The following RBFOX3 variants were observed in gnomAD, a reference collection of about 807,000 sequenced individuals.
RBFOX3 encodes the protein RNA binding protein fox-1 homolog 3.
A neutral mutation model predicts 48.7 loss-of-function variants in RBFOX3; 17 were observed. That is an observed-to-expected ratio of 0.35 (90% CI 0.24 to 0.52). The LOEUF is 0.52. Ranked by LOEUF, RBFOX3 falls within the 20% of genes least tolerant of loss-of-function variation. The pLI is 0.94. For synonymous variants in RBFOX3, 212 were observed against 209.5 expected, an observed-to-expected ratio of 1.01 and a Z score of -0.10; for missense variants, 382 against 497.5, an observed-to-expected ratio of 0.77 and a Z score of 2.21.
At chr17:79,218,842 G>A (rs1000074875) in intron 4 of RBFOX3, among the ~76,000 whole-genome samples, 1 of 152,172 alleles carries the variant, frequency 6.6e-6, no homozygotes, top group Non-Finnish European at 1.5e-5. Flanking sequence ...CGGAGCACCC[G>A]GGCACATCCT....
At chr17:79,259,368 G>C (rs933591558) in intron 3 of RBFOX3, among the ~76,000 whole-genome samples, 1 of 152,206 alleles carries the variant, frequency 6.6e-6, no homozygotes. Flanking sequence ...TGTGTTCTGG[G>C]GTCCCTGCCC....
chr17:79,489,180 T>C (rs2080104060), intron 1 of RBFOX3, among the ~76,000 whole-genome samples: 1 of 151,318 alleles, frequency 6.6e-6, no homozygotes. Flanking sequence ...ACTACGCCTT[T>C]GCTGGTTCAT....
intron 3 of RBFOX3, among the ~76,000 whole-genome samples, chr17:79,256,107 C>G (rs1460253337): frequency 6.6e-6 from 1 of 151,788 alleles, no homozygotes; most frequent in African/African-American, 2.4e-5. Context: ...TAGGGAAGCC[C>G]CAGCCCATTG....
intron 1 of RBFOX3, among the ~76,000 whole-genome samples, chr17:79,590,570 G>A (rs2093386553): frequency 6.6e-6 from 1 of 152,064 alleles, no homozygotes; most frequent in Non-Finnish European, 1.5e-5. Flanking sequence ...GGTCTCCTGG[G>A]GCTGGGATGA....
At chr17:79,101,416 C>T (rs2076412531) in intron 9 of RBFOX3, among the ~76,000 whole-genome samples, 168 bp downstream of exon 9, 1 of 152,146 alleles carries the variant, frequency 6.6e-6, no homozygotes, top group East Asian at 1.9e-4. Flanking sequence ...GCCTCTTCTG[C>T]CCCACCCGCT....
intron 1 of RBFOX3, among the ~76,000 whole-genome samples, chr17:79,563,863 T>C (rs1294712339): frequency 1.3e-5 from 2 of 152,178 alleles, no homozygotes; most frequent in South Asian, 2.1e-4. Flanking sequence ...AACCAGAGGA[T>C]GGAGTTGAGG....
chr17:79,435,701 C>G (rs782590546), intron 2 of RBFOX3, among the ~76,000 whole-genome samples: 2 of 152,234 alleles, frequency 1.3e-5, no homozygotes, highest in Admixed American at 6.5e-5. Flanking sequence ...CCTTTGCTGG[C>G]CAGGTGCTGG....
rs2064407073 is a variant in RBFOX3 at position 79,254,148 on chromosome 17, G to T, written c.-73-18343C>A. The stretch of plus-strand genomic sequence containing the variant: ...TTCACCACTGCATCGCTAGCACCCA[G>T]GACACAGGAGCCTCACAGAAGTCAT... On this transcript the variant is annotated intron_variant, in intron 3 of 14. Coordinates refer to ENST00000693108, the MANE Select transcript of RBFOX3 (RefSeq NM_001350451.2). The surrounding 1 kb of genome is among the most constrained non-coding windows in gnomAD (Gnocchi z 4.8). 6.6e-6 allele frequency among the ~76,000 whole-genome samples: 1 copy of T among 152,200 alleles called. No homozygotes were observed. The highest frequency in any genetic ancestry group is 6.5e-5 in the Admixed American group (1 of 15,286).
At chr17:79,466,910 G>A (rs939555616) in intron 2 of RBFOX3, among the ~76,000 whole-genome samples, 4 of 152,214 alleles carry the variant, frequency 2.6e-5, no homozygotes, top group South Asian at 4.2e-4. Context: ...GACCTGGCAG[G>A]TGACCCCATA....
chr17:79,308,471 CT>C (rs2076379356), intron 2 of RBFOX3, among the ~76,000 whole-genome samples: 1 of 152,214 alleles, frequency 6.6e-6, no homozygotes, highest in Non-Finnish European at 1.5e-5. Flanking sequence ...GCCACCAGGC[CT>C]CCCTGCTAGA....
chr17:79,326,314 C>T (rs913690451), intron 2 of RBFOX3, among the ~76,000 whole-genome samples: 3 of 152,178 alleles, frequency 2.0e-5, no homozygotes, highest in African/African-American at 7.2e-5. Flanking sequence ...GATGTCCCTC[C>T]CTTCTCGCCC....
intron 4 of RBFOX3, among the ~76,000 whole-genome samples, chr17:79,145,054 T>TG (rs887452883): frequency 6.6e-6 from 1 of 151,560 alleles, no homozygotes; most frequent in Admixed American, 6.6e-5. Flanking sequence ...CGCAGCAAGG[T>TG]GGGGGCGGGA....
At chr17:79,431,026 A>G (rs1271808671) in intron 2 of RBFOX3, among the ~76,000 whole-genome samples, 3 of 152,216 alleles carry the variant, frequency 2.0e-5, no homozygotes, top group Non-Finnish European at 4.4e-5. Flanking sequence ...TGTGGCCAGA[A>G]GAACAACTTC....
intron 2 of RBFOX3, among the ~76,000 whole-genome samples, chr17:79,337,948 T>G (rs983256168): frequency 1.8e-4 from 27 of 151,920 alleles, no homozygotes; most frequent in Admixed American, 1.0e-3. Context: ...CAGATTTTTT[T>G]TTTTTTTTTA....
chr17:79,617,659 G>A, the RBFOX3 span, among the ~76,000 whole-genome samples: 16 of 152,204 alleles, frequency 1.1e-4, no homozygotes, highest in Non-Finnish European at 1.9e-4. Context: ...AAACACCAGC[G>A]TCCCATTTTC....
intron 2 of RBFOX3, among the ~76,000 whole-genome samples, chr17:79,398,708 ATG>A (rs1220514973): frequency 2.6e-5 from 4 of 152,264 alleles, no homozygotes; most frequent in African/African-American, 9.6e-5. Flanking sequence ...ACCCTGGGAG[ATG>A]TGAGTGCATA....
At chr17:79,564,297 C>A (rs2092371173) in intron 1 of RBFOX3, among the ~76,000 whole-genome samples, 1 of 152,192 alleles carries the variant, frequency 6.6e-6, no homozygotes, top group African/African-American at 2.4e-5. Flanking sequence ...TTCCCAATAG[C>A]AGCAAACCCA....
intron 4 of RBFOX3, among the ~76,000 whole-genome samples, chr17:79,147,137 C>A (rs916060515): frequency 1.3e-5 from 2 of 152,232 alleles, no homozygotes; most frequent in African/African-American, 2.4e-5. Context: ...CCCTCCAATT[C>A]CAAGGCTGCT....
intron 1 of RBFOX3, among the ~76,000 whole-genome samples, chr17:79,545,243 G>A (rs911917255): frequency 6.6e-6 from 1 of 152,186 alleles, no homozygotes; most frequent in African/African-American, 2.4e-5. Context: ...GAAGGGCGTC[G>A]AGGGTCCCCA....
Sources: gnomAD v4.1 joint callset for allele counts (sites outside exome capture counted in the v4.1 genomes callset) on GRCh38, gnomAD v4.1.1 for gene constraint, Gnocchi (gnomAD v3.1) non-coding constraint, MANE v1.5 for transcripts, NCBI Gene and HGNC (gene_info 2026-07-23, HGNC 2026-07-21) for gene names.